The following ATRNL1 variants were observed in gnomAD, a reference collection of about 807,000 sequenced individuals.
ATRNL1 encodes the protein attractin like 1.
A neutral mutation model predicts 182.7 loss-of-function variants in ATRNL1; 95 were observed. The observed-to-expected ratio is 0.52, with a 90% CI of 0.44 to 0.62. The LOEUF (loss-of-function observed/expected upper bound fraction) is 0.62, where lower values mean the gene tolerates loss of function less well. Among genes scored for constraint, ATRNL1 ranks in the 20% least tolerant of loss-of-function variants. ATRNL1 has a pLI of 0.00. For missense variants in ATRNL1, 1,471 were observed against 1,679.5 expected (o/e 0.88, Z 2.17); for synonymous variants, 576 against 568.3 (o/e 1.01, Z -0.19).
At chr10:115,219,197 A>C (rs1042120103) in intron 9 of ATRNL1, among the ~76,000 whole-genome samples, 7 of 148,188 alleles carry the variant, frequency 4.7e-5, no homozygotes, top group Non-Finnish European at 8.9e-5. Flanking sequence ...GCGCCACTGC[A>C]CTCCAGTCTG....
intron 27 of ATRNL1, among the ~76,000 whole-genome samples, chr10:115,832,574 C>A (rs76164934): frequency 2.6e-5 from 4 of 152,272 alleles, no homozygotes; most frequent in African/African-American, 7.2e-5. Context: ...TCATTACTTC[C>A]AGATGCTAGT....
rs1850654460 is a variant in ATRNL1, at chr10:115,246,573, A to C, written c.1687+4848A>C. Among the ~76,000 whole-genome samples, 3 of 53,116 alleles carry C rather than the reference A, an allele frequency of 5.6e-5. 1 individual carries two copies. The highest frequency in any genetic ancestry group is 1.1e-4 in the Non-Finnish European group (3 of 26,370). The allele number at this position is 53,116 out of a possible 152,430, so 34.8% of individuals were successfully genotyped here. A position where few individuals can be genotyped will look rare whatever the true frequency, so the allele number is the denominator to read the frequency against. On this transcript the variant is annotated intron_variant, in intron 10 of 28. Coordinates refer to ENST00000355044, the MANE Select transcript of ATRNL1 (RefSeq NM_207303.4). ...TCATTCTTTTTTTTTTTTTTTTTTG[A>C]GACGGAGTCTCGCTCTGTCGCCCAG...
At chr10:115,101,339 G>GT (rs1331981167) in intron 1 of ATRNL1, among the ~76,000 whole-genome samples, 37 of 147,816 alleles carry the variant, frequency 2.5e-4, no homozygotes, top group South Asian at 1.3e-3. Flanking sequence ...TTATCTGTAA[G>GT]TTTTTTTTTT....
chr10:115,363,048 G>T (rs1254543912), intron 19 of ATRNL1, among the ~76,000 whole-genome samples: 1 of 151,312 alleles, frequency 6.6e-6, no homozygotes, highest in Non-Finnish European at 1.5e-5. Flanking sequence ...TAATGGGATG[G>T]CTGGGTCAAA....
intron 25 of ATRNL1, among the ~76,000 whole-genome samples, chr10:115,540,123 T>TATA (rs202090702): frequency 2.7e-5 from 4 of 148,404 alleles, no homozygotes; most frequent in East Asian, 3.9e-4. Flanking sequence ...GAACTTAAAG[T>TATA]ATAATAATAA....
intron 7 of ATRNL1, among the ~76,000 whole-genome samples, chr10:115,167,418 G>A (rs1288404541): frequency 6.6e-6 from 1 of 152,024 alleles, no homozygotes; most frequent in African/African-American, 2.4e-5. Context: ...TTAGGATTAA[G>A]TCTTCTATTT....
intron 25 of ATRNL1, among the ~76,000 whole-genome samples, chr10:115,534,746 G>A (rs1387744496): frequency 4.6e-5 from 7 of 151,500 alleles, no homozygotes; most frequent in Non-Finnish European, 5.9e-5. Flanking sequence ...AGCTGGTACC[G>A]GTTGTTCCTT....
chr10:115,234,564 A>T (rs35107379), intron 9 of ATRNL1, among the ~76,000 whole-genome samples: 43,299 of 151,146 alleles, frequency 0.29, 8,030 homozygotes, highest in Middle Eastern at 0.43. Flanking sequence ...ATAACATTAA[A>T]ATTGCTAGAT....
chr10:115,285,111 A>G (rs1852544956), intron 14 of ATRNL1, among the ~76,000 whole-genome samples: 1 of 152,108 alleles, frequency 6.6e-6, no homozygotes, highest in Non-Finnish European at 1.5e-5. Flanking sequence ...CTTTGGGCCT[A>G]TTTGTATACC....
chr10:115,658,625 G>A (rs1860486482), intron 26 of ATRNL1, among the ~76,000 whole-genome samples: 3 of 152,070 alleles, frequency 2.0e-5, no homozygotes, highest in Admixed American at 6.6e-5. Flanking sequence ...ATCTGGTCAG[G>A]AGGATATCAG....
chr10:115,143,411 ATT>A (rs67548142), intron 5 of ATRNL1, among the ~76,000 whole-genome samples: 52 of 145,384 alleles, frequency 3.6e-4, no homozygotes, highest in Middle Eastern at 3.6e-3. Flanking sequence ...CTTTCTTGGG[ATT>A]TTTTTTTTTT....
chr10:115,779,868 CAT>C (rs1400606918), intron 27 of ATRNL1, among the ~76,000 whole-genome samples: 1 of 152,290 alleles, frequency 6.6e-6, no homozygotes, highest in South Asian at 2.1e-4. Flanking sequence ...CTTATACACA[CAT>C]GATATGTCCT....
At chr10:115,774,418 T>C (rs1593197983) in intron 27 of ATRNL1, among the ~76,000 whole-genome samples, 1 of 63,166 alleles carries the variant, frequency 1.6e-5, no homozygotes, top group African/African-American at 7.0e-5. Flanking sequence ...AGAGCAAGAC[T>C]CCATCTCAAA....
At chr10:115,645,008 A>G (rs1294013776) in intron 26 of ATRNL1, among the ~76,000 whole-genome samples, 2 of 152,108 alleles carry the variant, frequency 1.3e-5, no homozygotes, top group Non-Finnish European at 2.9e-5. Context: ...TCTGACATTC[A>G]TTCCCAGTTG....
chr10:115,908,333 G>C (rs182469630), intron 28 of ATRNL1, among the ~76,000 whole-genome samples: 23 of 152,018 alleles, frequency 1.5e-4, no homozygotes, highest in African/African-American at 5.5e-4. Context: ...TTTTCTGGGG[G>C]CTCTGGGAAA....
chr10:115,399,479 T>C (rs1320583995), intron 20 of ATRNL1, among the ~76,000 whole-genome samples: 2 of 152,118 alleles, frequency 1.3e-5, no homozygotes, highest in Non-Finnish European at 2.9e-5. Context: ...TGTTCTCTCA[T>C]GGTTGTTCAT....
chr10:115,938,478 A>G (rs1330331980), intron 28 of ATRNL1, among the ~76,000 whole-genome samples: 36 of 152,222 alleles, frequency 2.4e-4, no homozygotes, highest in Admixed American at 2.4e-3. Context: ...GTTTTTTTCT[A>G]AGGTTGCAGG....
chr10:115,132,219 T>C (rs1845279136), intron 5 of ATRNL1, among the ~76,000 whole-genome samples: 2 of 152,192 alleles, frequency 1.3e-5, no homozygotes, highest in South Asian at 4.1e-4. Context: ...CTGAGAATGA[T>C]GGTTTCCAGC....
rs1167361326 is a variant in ATRNL1, at chr10:115,790,250, TA to T, written c.3904-57622del. 4.4e-4 allele frequency among the ~76,000 whole-genome samples: 31 copies of T among 70,380 alleles called. No homozygotes were observed. The East Asian group carries it at 0.014, about 32-fold the overall frequency. 46.2% of individuals were successfully genotyped at this position (70,380 alleles called of 152,430 possible). On this transcript the variant is annotated intron_variant, in intron 27 of 28. Coordinates refer to ENST00000355044, the MANE Select transcript of ATRNL1 (RefSeq NM_207303.4). ...GGCCCCCAAAGCAGCCTTGTTAGTT[TA>T]AAAAGAAAAAAAAAAAAAAACTCTT...
Sources: allele counts gnomAD v4.1 joint callset (sites outside exome capture counted in the v4.1 genomes callset), GRCh38; gene constraint gnomAD v4.1.1; transcripts MANE v1.5; gene names NCBI Gene and HGNC (gene_info 2026-07-23, HGNC 2026-07-21).